The following GCNT2 variants were observed in gnomAD, a reference collection of about 807,000 sequenced individuals.
GCNT2 encodes the protein glucosaminyl (N-acetyl) transferase 2 (I blood group), also known as N-acetyllactosaminide beta-1,6-N-acetylglucosaminyl-transferase.
GCNT2 carries 34 observed loss-of-function variants against 34.2 expected under a neutral mutation model. The ratio of observed to expected loss-of-function variants is 1.00; its 90% CI spans 0.76 to 1.32. The LOEUF is 1.32. GCNT2 is among the 40% of genes most tolerant of loss of function. GCNT2 has a pLI of 0.00. For synonymous variants in GCNT2, 212 were observed against 188.0 expected (o/e 1.13, Z -1.04); for missense variants, 584 against 489.4 (o/e 1.19, Z -1.82).
chr6:10,582,349 G>A, intron 3 of GCNT2, among the ~76,000 whole-genome samples: 1 of 98,730 alleles, frequency 1.0e-5, no homozygotes, highest in African/African-American at 6.1e-5. Flanking sequence ...ATAATATATA[G>A]TAATATTAAA....
chr6:10,617,804 G>A (rs1275386562), intron 3 of GCNT2, among the ~76,000 whole-genome samples: 1 of 139,846 alleles, frequency 7.2e-6, no homozygotes, highest in African/African-American at 2.9e-5. Context: ...GCCCAGGCTG[G>A]AGTGCAGTGC....
rs627730 is a variant in GCNT2 at position 10,573,211 on chromosome 6, C to T, written c.925+43375C>T. On this transcript the variant is annotated intron_variant, in intron 3 of 4. Transcript: ENST00000495262. ...GATTGTCAAATAGTGTCTCTTGGAA[C>T]TTCTCAACTTCTTTTTCCTCGGATG... 4.6e-3 allele frequency: 4,481 copies of T among 983,772 alleles called. 130 individuals are homozygous for T. In the African/African-American group the frequency reaches 0.065, roughly 14 times the overall value. The allele number at this position is 983,772 out of a possible 1,614,324, so 60.9% of individuals were successfully genotyped here. A position where few individuals can be genotyped will look rare whatever the true frequency, so the allele number is the denominator to read the frequency against.
chr6:10,537,615 C>T (rs936351850), intron 3 of GCNT2, among the ~76,000 whole-genome samples: 8 of 141,302 alleles, frequency 5.7e-5, no homozygotes, highest in African/African-American at 1.9e-4. Context: ...GCAGGGGAAT[C>T]GCTTAAACCC....
intron 3 of GCNT2, among the ~76,000 whole-genome samples, chr6:10,617,747 CTTCT>C (rs1419858675): frequency 3.5e-5 from 4 of 114,296 alleles, no homozygotes; most frequent in South Asian, 2.7e-4. Flanking sequence ...GTCTGCATTT[CTTCT>C]TTTTTTTTTT....
chr6:10,626,488 T>G lies in GCNT2; in HGVS notation c.1090T>G (p.Phe364Val), dbSNP rs1308801932. The G allele has an allele frequency of 1.2e-6, 2 of 1,613,750 alleles. No individual in the cohort carries two copies. Among genetic ancestry groups the G allele is most frequent in the Admixed American group, 3.3e-5 (2 of 60,020 alleles). ...LKWLVNSPSL[F>V]ANKFELNTYP... is the part of the protein sequence containing the mutation. ...GTGGCTGGTTAATTCACCAAGCCTG[T>G]TTGCTAACAAGTTTGAGCTTAATAC... is the stretch of plus-strand genomic sequence containing the variant. The change falls in exon 5 of 5, where the codon TTT (phenylalanine) becomes GTT (valine). Residue 364 changes from phenylalanine (F) to valine (V), a missense_variant. By Grantham distance (50) the Phe-to-Val change is conservative. Coordinates refer to ENST00000495262, the MANE Select transcript of GCNT2 (RefSeq NM_145649.5).
intron 3 of GCNT2, among the ~76,000 whole-genome samples, chr6:10,602,002 C>A (rs1303050042): frequency 6.6e-6 from 1 of 150,846 alleles, no homozygotes; most frequent in East Asian, 1.9e-4. Flanking sequence ...AAACTGGATA[C>A]TGGAAACTGC....
chr6:10,543,631 T>C (rs772424634), intron 3 of GCNT2, among the ~76,000 whole-genome samples: 9 of 152,224 alleles, frequency 5.9e-5, no homozygotes, highest in African/African-American at 9.6e-5. Context: ...TTTTTTAGTT[T>C]AGCCCTTCTA....
intron 3 of GCNT2, among the ~76,000 whole-genome samples, chr6:10,585,561 T>G (rs572718162): frequency 2.0e-5 from 3 of 151,704 alleles, no homozygotes; most frequent in Admixed American, 6.6e-5. Context: ...AGAAGGGAGA[T>G]CAGATCAGAA....
intron 3 of GCNT2, among the ~76,000 whole-genome samples, chr6:10,562,743 C>T (rs1302762306): frequency 1.3e-5 from 2 of 151,554 alleles, no homozygotes; most frequent in African/African-American, 4.9e-5. Context: ...GAATGCTCAC[C>T]AACATTTCTT....
chr6:10,531,325 T>TA (rs1761477320), intron 3 of GCNT2, among the ~76,000 whole-genome samples: 1 of 152,220 alleles, frequency 6.6e-6, no homozygotes, highest in Non-Finnish European at 1.5e-5. Context: ...CAATTCAAAA[T>TA]AAGAATTCAT....
intron 3 of GCNT2, among the ~76,000 whole-genome samples, chr6:10,590,374 G>C (rs891247686): frequency 6.6e-6 from 1 of 150,724 alleles, no homozygotes; most frequent in African/African-American, 2.5e-5. Flanking sequence ...CTCCAGCCTG[G>C]GTGACAGAGT....
chr6:10,619,975 T>C (rs1391113401), intron 3 of GCNT2, among the ~76,000 whole-genome samples: 1 of 152,252 alleles, frequency 6.6e-6, no homozygotes, highest in Admixed American at 6.5e-5. Flanking sequence ...GTCCAGCTCT[T>C]CTGTTTCCTT....
At chr6:10,554,276 A>G (rs915062930) in intron 3 of GCNT2, among the ~76,000 whole-genome samples, 2 of 152,210 alleles carry the variant, frequency 1.3e-5, no homozygotes, top group Non-Finnish European at 2.9e-5. Context: ...GAGAGTGGAG[A>G]AAATTGGCCC....
In GCNT2 at chr6:10,529,795, GC is replaced by G; in HGVS notation, c.888del (p.Asp297ThrfsTer6). On this transcript the variant is annotated frameshift_variant, in exon 3 of 5. Coordinates refer to ENST00000495262, the MANE Select transcript of GCNT2 (RefSeq NM_145649.5). LOFTEE classifies it high-confidence loss of function. ...DLLSWSKDTY[S>X]PDEHFWVTLN... ...CTCTCCTGGTCCAAGGACACCTACA[GC>G]CCCGACGAACATTTCTGGGTGACAC... The G allele has an allele frequency of 1.9e-6, 3 of 1,614,112 alleles. No homozygotes were observed. The highest frequency in any genetic ancestry group is 2.5e-6 in the Non-Finnish European group (3 of 1,179,988).
chr6:10,581,085 T>C (rs1416335082), intron 3 of GCNT2, among the ~76,000 whole-genome samples: 2 of 152,118 alleles, frequency 1.3e-5, no homozygotes, highest in African/African-American at 4.8e-5. Context: ...TGGAAGGAAA[T>C]GCCTGTTCAA....
chr6:10,557,460 C>A, intron 3 of GCNT2: 1 of 770,330 alleles, frequency 1.3e-6, no homozygotes, highest in South Asian at 1.5e-5. Context: ...ATATAGTTCT[C>A]ACCCTAGTCC....
intron 3 of GCNT2, among the ~76,000 whole-genome samples, chr6:10,594,834 T>A (rs888191751): frequency 1.3e-5 from 2 of 151,824 alleles, no homozygotes; most frequent in African/African-American, 4.8e-5. Flanking sequence ...ATTGACATGT[T>A]CAGGTGGATA....
chr6:10,548,937 T>G (rs1429931755), intron 3 of GCNT2, among the ~76,000 whole-genome samples: 2 of 152,202 alleles, frequency 1.3e-5, no homozygotes, highest in African/African-American at 2.4e-5. Context: ...TTTTGTATTT[T>G]TAGGAGAGAC....
intron 3 of GCNT2, among the ~76,000 whole-genome samples, chr6:10,578,683 T>C (rs1176167092): frequency 1.1e-4 from 17 of 152,106 alleles, no homozygotes; most frequent in Non-Finnish European, 2.2e-4. Flanking sequence ...CCTGACCTCG[T>C]GATCCGCCTG....
Sources: allele counts gnomAD v4.1 joint callset (sites outside exome capture counted in the v4.1 genomes callset), GRCh38; gene constraint gnomAD v4.1.1; transcripts MANE v1.5; gene names NCBI Gene and HGNC (gene_info 2026-07-23, HGNC 2026-07-21).